Variants in DMC1 observed in about 807,000 individuals in gnomAD.
DMC1 encodes the protein meiotic recombination protein DMC1 homolog.
DMC1 carries 27 observed loss-of-function variants against 50.1 expected under a neutral mutation model. The observed-to-expected ratio is 0.54, with a 90% CI of 0.40 to 0.74. The LOEUF (loss-of-function observed/expected upper bound fraction) is 0.74. Among genes scored for constraint, DMC1 ranks in the 30% least tolerant of loss-of-function variants. The pLI is 0.00. For missense variants in DMC1, 295 were observed against 420.2 expected, an observed-to-expected ratio of 0.70 and a Z score of 2.60; for synonymous variants, 148 against 136.1, an observed-to-expected ratio of 1.09 and a Z score of -0.61.
intron 12 of DMC1, among the ~76,000 whole-genome samples, chr22:38,522,173 G>A (rs1049108673): frequency 6.6e-6 from 1 of 151,224 alleles, no homozygotes; most frequent in Non-Finnish European, 1.5e-5. Context: ...GGCTGGTCTC[G>A]AACTCCTGAC....
intron 8 of DMC1, among the ~76,000 whole-genome samples, chr22:38,543,573 G>C (rs2090310716): frequency 6.6e-6 from 1 of 152,086 alleles, no homozygotes; most frequent in African/African-American, 2.4e-5. Flanking sequence ...TCCTCTCCAA[G>C]GAACCAATGT....
intron 7 of DMC1, among the ~76,000 whole-genome samples, chr22:38,551,342 T>C (rs1408923222): frequency 1.3e-5 from 2 of 152,194 alleles, no homozygotes; most frequent in African/African-American, 4.8e-5. Flanking sequence ...ATTTACTTTT[T>C]TTTTCGAGAC....
At chr22:38,569,440 A>G (rs1175434531) in intron 1 of DMC1, 1 of 152,146 alleles carries the variant, frequency 6.6e-6, no homozygotes, top group Non-Finnish European at 1.5e-5. Context: ...GCAGGGTCCT[A>G]CCACCCAGCA....
At chr22:38,527,217 T>A (rs1271594558) in intron 12 of DMC1, among the ~76,000 whole-genome samples, 2 of 152,144 alleles carry the variant, frequency 1.3e-5, no homozygotes, top group East Asian at 1.9e-4. Flanking sequence ...CTTTTATTTT[T>A]TTTTTTAGAC....
rs182114704 is a variant in DMC1 at position 38,532,485 on chromosome 22, C to T, written c.836+5107G>A. 1.2e-3 allele frequency among the ~76,000 whole-genome samples: 179 copies of T among 151,868 alleles called. 2 individuals are homozygous for T. The highest frequency in any genetic ancestry group is 4.2e-3 in the African/African-American group (173 of 41,406). On this transcript the variant is annotated intron_variant, in intron 12 of 13. Transcript: ENST00000216024. ...TACAGGCACGCGCATTTACGCCCGG[C>T]TAATTTTTATATTTTTAGTAGAGAC...
downstream of DMC1, among the ~76,000 whole-genome samples, chr22:38,516,916 C>T (rs558890123): frequency 2.0e-5 from 3 of 152,164 alleles, no homozygotes; most frequent in African/African-American, 4.8e-5. Context: ...GCCTCGACTT[C>T]CTGGGCTTAA....
Position 38,521,662 on chromosome 22 carries a change from CTTG to C in DMC1, c.896_898del (p.Thr299del), listed in dbSNP as rs1423308220. On this transcript the variant is annotated inframe_deletion, in exon 13 of 14. Coordinates refer to ENST00000216024, the MANE Select transcript of DMC1 (RefSeq NM_007068.4). ...TCCTCTTCCCTTTCGCAAGCTTATT[CTTG>C]TTGTTGAAGCATGAGCCAGAATGTG... 1 of 1,613,368 alleles carries C rather than the reference CTTG, an allele frequency of 6.2e-7. No homozygotes were observed. Among genetic ancestry groups the C allele is most frequent in the Non-Finnish European group, 8.5e-7 (1 of 1,179,820 alleles).
At chr22:38,558,357 A>C (rs1191941239) in intron 5 of DMC1, among the ~76,000 whole-genome samples, 1 of 152,148 alleles carries the variant, frequency 6.6e-6, no homozygotes, top group Non-Finnish European at 1.5e-5. Flanking sequence ...CTAGATTTAT[A>C]AAGGGACTTA....
intron 4 of DMC1, among the ~76,000 whole-genome samples, chr22:38,563,386 C>A (rs1372354717): frequency 6.6e-6 from 1 of 152,096 alleles, no homozygotes; most frequent in African/African-American, 2.4e-5. Flanking sequence ...ACAGCCAAGC[C>A]CAGGTCCTAT....
intron 4 of DMC1, among the ~76,000 whole-genome samples, chr22:38,566,162 T>C (rs2090578805): frequency 6.6e-6 from 1 of 151,380 alleles, no homozygotes; most frequent in South Asian, 2.1e-4. Flanking sequence ...TAGTCCCAGC[T>C]ACTCAGGAGG....
At chr22:38,521,544 C>T (rs1439943766) in intron 13 of DMC1, 64 bp downstream of exon 13, 9 of 374,586 alleles carry the variant, frequency 2.4e-5, no homozygotes, top group Non-Finnish European at 3.3e-5. Flanking sequence ...TCTCTACACA[C>T]ACACACACAC....
intron 10 of DMC1, 30 bp from the exon 11 acceptor site, chr22:38,538,439 G>A (rs1047145080): frequency 6.2e-7 from 1 of 1,609,270 alleles, no homozygotes; most frequent in Non-Finnish European, 8.5e-7. Context: ...AAATAAACAT[G>A]CATTTGGAAA....
chr22:38,567,766 C>T, intron 2 of DMC1, 139 bp from the exon 3 acceptor site: 1 of 679,442 alleles, frequency 1.5e-6, no homozygotes, highest in South Asian at 1.8e-5. Context: ...GAGGAAGGAT[C>T]AATACCGTTT....
intron 4 of DMC1, 126 bp downstream of exon 4, chr22:38,566,464 G>T: frequency 1.0e-6 from 1 of 979,562 alleles, no homozygotes; most frequent in Non-Finnish European, 1.6e-6. Flanking sequence ...GTTAACATGG[G>T]GAGTATAATA....
rs1682176003 is a variant in DMC1, at chr22:38,523,750, A to AGCCT, written c.837-2027_837-2026insAGGC. 4.6e-5 allele frequency among the ~76,000 whole-genome samples: 7 copies of AGCCT among 151,992 alleles called. No homozygotes were observed. In the South Asian group the frequency reaches 1.4e-3, roughly 31 times the overall value. On this transcript the variant is annotated intron_variant, in intron 12 of 13. Coordinates refer to ENST00000216024, the MANE Select transcript of DMC1 (RefSeq NM_007068.4). ...GCCACTGTACTCTAGCCTGGGTGAC[A>AGCCT]GAGTGGGACTCTGTCTCAGAAAAAA...
downstream of DMC1, among the ~76,000 whole-genome samples, chr22:38,516,702 G>A (rs919441312): frequency 6.6e-6 from 1 of 152,234 alleles, no homozygotes; most frequent in Non-Finnish European, 1.5e-5. Context: ...ACTGGGGAAT[G>A]TGGGGGTAGT....
At chr22:38,546,761 T>C (rs1008751323) in intron 8 of DMC1, among the ~76,000 whole-genome samples, 1 of 152,204 alleles carries the variant, frequency 6.6e-6, no homozygotes, top group African/African-American at 2.4e-5. Flanking sequence ...ATGATTTGTA[T>C]GATTCAGAAA....
At chr22:38,544,091 T>C (rs1876444169) in intron 8 of DMC1, among the ~76,000 whole-genome samples, 1 of 152,198 alleles carries the variant, frequency 6.6e-6, no homozygotes, top group African/African-American at 2.4e-5. Flanking sequence ...ACTATCCATC[T>C]GACAAGGGAT....
rs865925859 is a variant in DMC1, at chr22:38,524,856, G to A, written c.837-3132C>T. Reference sequence around the variant, plus strand: ...GCGGGCGGATCACCTGAGGTCAGGGGTTCAAGATCAGCCTGACCAACATGG... The same window carrying A: ...GCGGGCGGATCACCTGAGGTCAGGGATTCAAGATCAGCCTGACCAACATGG... On this transcript the variant is annotated intron_variant, in intron 12 of 13. Coordinates refer to ENST00000216024, the MANE Select transcript of DMC1 (RefSeq NM_007068.4). 1.2e-4 allele frequency among the ~76,000 whole-genome samples: 18 copies of A among 152,240 alleles called. 1 individual carries two copies. In the Middle Eastern group the frequency reaches 0.01, roughly 86 times the overall value.
Sources: gnomAD v4.1 joint callset for allele counts (sites outside exome capture counted in the v4.1 genomes callset) on GRCh38, gnomAD v4.1.1 for gene constraint, MANE v1.5 for transcripts, NCBI Gene and HGNC (gene_info 2026-07-23, HGNC 2026-07-21) for gene names.